CDH12: variants seen among roughly 807,000 people sequenced by gnomAD.
The protein encoded by CDH12 is cadherin-12.
Under a neutral mutation model 74.1 loss-of-function variants are expected in CDH12, and 41 were observed. The observed-to-expected ratio is 0.55, with a 90% CI of 0.43 to 0.72. The LOEUF (loss-of-function observed/expected upper bound fraction) is 0.72, where lower values mean the gene tolerates loss of function less well. Among genes scored for constraint, CDH12 ranks in the 30% least tolerant of loss-of-function variants. CDH12 has a pLI of 0.00. For missense variants in CDH12, 945 were observed against 977.2 expected, an observed-to-expected ratio of 0.97 and a Z score of 0.44; for synonymous variants, 399 against 355.0, an observed-to-expected ratio of 1.12 and a Z score of -1.39.
At chr5:22,159,026 T>C (rs763606705) in intron 4 of CDH12, among the ~76,000 whole-genome samples, 2 of 152,160 alleles carry the variant, frequency 1.3e-5, no homozygotes, top group Non-Finnish European at 2.9e-5. Flanking sequence ...GGTTCCCCTA[T>C]GTTTTTGAAT....
At chr5:22,175,886 C>T (rs1437275500) in intron 4 of CDH12, among the ~76,000 whole-genome samples, 2 of 152,102 alleles carry the variant, frequency 1.3e-5, no homozygotes, top group African/African-American at 4.8e-5. Context: ...CCTTTTAACT[C>T]GGCCACTTCC....
At chr5:22,351,706 T>C (rs142256054) in intron 3 of CDH12, among the ~76,000 whole-genome samples, 7 of 152,322 alleles carry the variant, frequency 4.6e-5, no homozygotes, top group South Asian at 4.1e-4. Flanking sequence ...CTTTTTAAGA[T>C]ATGCAAATCA....
intron 3 of CDH12, among the ~76,000 whole-genome samples, chr5:22,327,364 T>C (rs749361164): frequency 1.3e-5 from 2 of 152,130 alleles, no homozygotes; most frequent in Non-Finnish European, 2.9e-5. Flanking sequence ...CAGTATTTTA[T>C]TATTTTGTAT....
chr5:22,211,894 G>A (rs1025681815), intron 4 of CDH12, among the ~76,000 whole-genome samples: 1 of 151,862 alleles, frequency 6.6e-6, no homozygotes, highest in Admixed American at 6.6e-5. Context: ...ATCCACTTCT[G>A]TTGAATAAGT....
intron 3 of CDH12, among the ~76,000 whole-genome samples, chr5:22,391,220 A>G (rs1487437096): frequency 6.6e-6 from 1 of 152,210 alleles, no homozygotes; most frequent in African/African-American, 2.4e-5. Context: ...GTGACATTCC[A>G]CATGAGATCT....
chr5:22,731,688 T>C (rs1744436844), intron 1 of CDH12, among the ~76,000 whole-genome samples: 1 of 151,894 alleles, frequency 6.6e-6, no homozygotes, highest in African/African-American at 2.4e-5. Context: ...TGGAAATGTT[T>C]AATTCTTGGA....
intron 6 of CDH12, among the ~76,000 whole-genome samples, chr5:21,939,765 T>C (rs947836842): frequency 1.3e-5 from 2 of 152,226 alleles, no homozygotes; most frequent in African/African-American, 4.8e-5. Flanking sequence ...ATTCAACTGT[T>C]GATTCTGAGT....
chr5:22,600,517 C>T (rs1736807256), intron 1 of CDH12, among the ~76,000 whole-genome samples: 1 of 151,954 alleles, frequency 6.6e-6, no homozygotes, highest in Non-Finnish European at 1.5e-5. Flanking sequence ...CTTTTTTCTA[C>T]CCAATACTGG....
intron 13 of CDH12, among the ~76,000 whole-genome samples, chr5:21,758,350 ATGTGGAGACTCTGATTT>A (rs1330183579): frequency 6.6e-6 from 1 of 152,122 alleles, no homozygotes; most frequent in East Asian, 1.9e-4. Flanking sequence ...CAGTGATAAA[ATGTGGAGACTCTGATTT>A]TGTGGAGACT....
intron 3 of CDH12, among the ~76,000 whole-genome samples, chr5:22,374,272 A>C (rs7727213): frequency 0.27 from 41,345 of 151,994 alleles, 5,678 homozygotes; most frequent in East Asian, 0.35. Flanking sequence ...CTTCATGATA[A>C]AAACTCTCAA....
chr5:22,349,571 C>T lies in CDH12; in HGVS notation c.-333+55686G>A, dbSNP rs1055691566. 2.6e-5 allele frequency among the ~76,000 whole-genome samples: 4 copies of T among 152,184 alleles called. No individual in the cohort carries two copies. In the East Asian group the frequency reaches 7.7e-4, roughly 29 times the overall value. ...ACATCAATATAATTTCTTAACCTGG[C>T]ATTCAAGGTATTTTCCAATACATTC... On this transcript the variant is annotated intron_variant, in intron 3 of 14. Transcript: ENST00000382254.
intron 2 of CDH12, among the ~76,000 whole-genome samples, chr5:22,450,781 T>A (rs750860506): frequency 3.3e-5 from 5 of 151,908 alleles, no homozygotes; most frequent in Admixed American, 6.6e-5. Flanking sequence ...AAAGCTCATT[T>A]GATCAGTCTT....
chr5:22,484,269 T>C (rs1313279710), intron 2 of CDH12, among the ~76,000 whole-genome samples: 2 of 152,142 alleles, frequency 1.3e-5, no homozygotes, highest in Non-Finnish European at 2.9e-5. Context: ...CTATCACCAG[T>C]GGCTTGCTTG....
At chr5:21,788,516 C>T (rs1169438338) in intron 10 of CDH12, among the ~76,000 whole-genome samples, 1 of 152,096 alleles carries the variant, frequency 6.6e-6, no homozygotes, top group Non-Finnish European at 1.5e-5. Context: ...ATTAATTTCT[C>T]TATAAGTAGT....
At chr5:22,170,804 T>C (rs1748978518) in intron 4 of CDH12, among the ~76,000 whole-genome samples, 1 of 151,872 alleles carries the variant, frequency 6.6e-6, no homozygotes, top group African/African-American at 2.4e-5. Context: ...CTTAATAGTA[T>C]GACTTTTTTC....
At chr5:22,251,641 C>G (rs527262431) in intron 3 of CDH12, among the ~76,000 whole-genome samples, 71 of 152,056 alleles carry the variant, frequency 4.7e-4, no homozygotes, top group Non-Finnish European at 7.8e-4. Context: ...AGATTGATGC[C>G]TTGCACATGG....
chr5:21,940,067 T>A lies in CDH12; in HGVS notation c.526+35024A>T, dbSNP rs540176620. ...GAAACTCCATCTCTACTTAAAAAAA[T>A]AAATAAATAAATAAACAGGCATAGT... On this transcript the variant is annotated intron_variant, in intron 6 of 14. Transcript: ENST00000382254. Among the ~76,000 whole-genome samples the A allele has an allele frequency of 4.6e-4, 70 of 151,672 alleles. 1 individual carries two copies. In the South Asian group the frequency reaches 0.012, roughly 25 times the overall value.
chr5:21,781,686 T>C (rs941660842), intron 11 of CDH12, among the ~76,000 whole-genome samples: 3 of 150,048 alleles, frequency 2.0e-5, no homozygotes, highest in Non-Finnish European at 4.4e-5. Context: ...ATTGCACCAC[T>C]GCACTCCAGT....
intron 1 of CDH12, among the ~76,000 whole-genome samples, chr5:22,603,705 T>A (rs1032330186): frequency 6.6e-6 from 1 of 152,144 alleles, no homozygotes; most frequent in Non-Finnish European, 1.5e-5. Context: ...AGAACGGACC[T>A]TGTGGTTTAC....
Sources: allele counts gnomAD v4.1 joint callset (sites outside exome capture counted in the v4.1 genomes callset), GRCh38; gene constraint gnomAD v4.1.1; transcripts MANE v1.5; gene names NCBI Gene and HGNC (gene_info 2026-07-23, HGNC 2026-07-21).